Variants in WDR86 observed in about 807,000 individuals in gnomAD.
WDR86 encodes WD repeat domain 86, also known as WD repeat-containing protein 86.
WDR86 carries 30 observed loss-of-function variants against 36.5 expected under a neutral mutation model. The ratio of observed to expected loss-of-function variants is 0.82; its 90% CI spans 0.61 to 1.11. The LOEUF is 1.11. WDR86 is among the 50% of genes most tolerant of loss of function. The probability of loss-of-function intolerance (pLI) is 0.00; values close to 1 mark genes in which losing one functional copy is unlikely to be tolerated. For synonymous variants in WDR86, 255 were observed against 252.9 expected (o/e 1.01, Z -0.08); for missense variants, 545 against 561.2 (o/e 0.97, Z 0.29).
intron 2 of WDR86, among the ~76,000 whole-genome samples, chr7:151,398,947 T>C (rs924004080): frequency 6.6e-6 from 1 of 151,930 alleles, no homozygotes; most frequent in African/African-American, 2.4e-5. Context: ...CATGGCAAAC[T>C]TCTTTCTCAG....
In WDR86 at chr7:151,405,976, C is replaced by T. The variant is rs995564841; in HGVS notation, c.163+3451G>A. On this transcript the variant is annotated intron_variant, in intron 1 of 5. Coordinates refer to ENST00000334493, the MANE Select transcript of WDR86 (RefSeq NM_198285.3). The surrounding 1 kb of genome is among the most constrained non-coding windows in gnomAD (Gnocchi z 4.7). ...TACTACCATTTTGGAAAATGTCACT[C>T]ATCTCATTGAACCAATAAAGTGCCC... is the stretch of plus-strand genomic sequence containing the variant. 5.3e-5 allele frequency among the ~76,000 whole-genome samples: 8 copies of T among 152,206 alleles called. No individual in the cohort carries two copies. The highest frequency in any genetic ancestry group is 1.0e-4 in the Non-Finnish European group (7 of 68,038).
chr7:151,377,270 CATT>C, downstream of WDR86: 1 of 1,308,954 alleles, frequency 7.6e-7, no homozygotes, highest in African/African-American at 1.5e-5. Context: ...TAAATGCTAT[CATT>C]ATGAAAAGGC....
chr7:151,382,676 T>A (rs62490282), intron 4 of WDR86, among the ~76,000 whole-genome samples: 12,887 of 152,224 alleles, frequency 0.085, 564 homozygotes, highest in Middle Eastern at 0.13. Flanking sequence ...GAGGCCACAC[T>A]GAGGATGTGG....
intron 2 of WDR86, among the ~76,000 whole-genome samples, chr7:151,396,782 A>G (rs994025436): frequency 6.6e-6 from 1 of 152,178 alleles, no homozygotes; most frequent in African/African-American, 2.4e-5. Flanking sequence ...AGGCACAGCC[A>G]GGGGTCACGC....
chr7:151,374,330 G>A (rs775250298), downstream of WDR86: 96 of 1,471,542 alleles, frequency 6.5e-5, no homozygotes, highest in Middle Eastern at 1.7e-4. Flanking sequence ...GCATCCTCCC[G>A]GGCTCACTCC....
intron 1 of WDR86, among the ~76,000 whole-genome samples, chr7:151,404,331 T>C (rs1800555736): frequency 6.6e-6 from 1 of 152,150 alleles, no homozygotes; most frequent in Non-Finnish European, 1.5e-5. Context: ...GCCCACAGCG[T>C]TCAGGGTTCT....
rs1221404203 is a variant in WDR86, at chr7:151,406,401, C to A, written c.163+3026G>T. On this transcript the variant is annotated intron_variant, in intron 1 of 5. Transcript: ENST00000334493. This position sits in a 1 kb window ranked among gnomAD's most constrained non-coding sequence, Gnocchi z 4.4. ...GAGCCAGAGGTCTCTAGAGGAAAAG[C>A]GTACGTAGGAGTCGCCAGCCCCAGC... Among the ~76,000 whole-genome samples, 1 of 152,230 alleles carries A rather than the reference C, an allele frequency of 6.6e-6. No individual in the cohort carries two copies. The highest frequency in any genetic ancestry group is 1.5e-5 in the Non-Finnish European group (1 of 68,038).
At position 151,405,739 on chromosome 7, in the gene WDR86, C is replaced by T. The variant is rs1340367049; in HGVS notation, c.163+3688G>A. On this transcript the variant is annotated intron_variant, in intron 1 of 5. Transcript: ENST00000334493. The surrounding 1 kb of genome is among the most constrained non-coding windows in gnomAD (Gnocchi z 4.7). The stretch of plus-strand genomic sequence containing the variant: ...AGCGTGCCGCAGGCCTCCTTCAGCC[C>T]AGTCTTCTGGGCCACTGCTCTCCCG... Among the ~76,000 whole-genome samples, 1 of 152,202 alleles carries T rather than the reference C, an allele frequency of 6.6e-6. No homozygotes were observed. Among genetic ancestry groups the T allele is most frequent in the African/African-American group, 2.4e-5 (1 of 41,464 alleles).
At chr7:151,371,257 C>T (rs899341801), downstream of WDR86, among the ~76,000 whole-genome samples, 1 of 152,124 alleles carries the variant, frequency 6.6e-6, no homozygotes, top group Non-Finnish European at 1.5e-5. Context: ...GATTTATTGG[C>T]CGTTTACTTG....
At position 151,381,710 on chromosome 7, in the gene WDR86, C is replaced by G; in HGVS notation, c.1003G>C (p.Gly335Arg). 1 of 1,495,238 alleles carries G rather than the reference C, an allele frequency of 6.7e-7. No homozygotes were observed. The allele number at this position is 1,495,238 out of a possible 1,614,324, so 92.6% of individuals were successfully genotyped here. The part of the protein sequence containing the change: ...GQVLYTASHD[G>R]ALRLWDVRGL... ...CGCACGTCCCAGAGGCGCAGGGCGC[C>G]GTCGTGCGAGGCGGTGTAGAGCACC... Residue 335 changes from glycine to arginine, a missense_variant, in exon 6 of 6, where the codon GGC becomes CGC. Transcript: ENST00000334493. This position sits in a 1 kb window ranked among gnomAD's most constrained non-coding sequence, Gnocchi z 4.8.
intron 3 of WDR86, among the ~76,000 whole-genome samples, chr7:151,391,722 C>T (rs181949916): frequency 4.6e-5 from 7 of 152,314 alleles, no homozygotes; most frequent in Non-Finnish European, 8.8e-5. Flanking sequence ...TGTCACCCAA[C>T]AGACTTCCCA....
Position 151,409,455 on chromosome 7 carries a change from C to T in WDR86, c.135G>A (p.Ala45=), listed in dbSNP as rs757991903. Reference sequence around the variant, plus strand: ...GCAGGAGCGCGCAGCACTGGCCGTCCGCGGTGCTCCAGAGCCGGGCCGTGC... The same window carrying T: ...GCAGGAGCGCGCAGCACTGGCCGTCTGCGGTGCTCCAGAGCCGGGCCGTGC... ...EDGTARLWST[A]DGQCCALLQG... The change falls in exon 1 of 6, where the codon GCG becomes GCA. Residue 45 remains alanine, a synonymous_variant. Transcript: ENST00000334493. This position sits in a 1 kb window ranked among gnomAD's most constrained non-coding sequence, Gnocchi z 5.2. 76 of 1,543,068 alleles carry T rather than the reference C, an allele frequency of 4.9e-5. No individual in the cohort carries two copies. In the Middle Eastern group the frequency reaches 1.2e-3, roughly 24 times the overall value.
rs867813649 is a variant in WDR86 at position 151,395,819 on chromosome 7, A to G, written c.683T>C (p.Leu228Pro). The change falls in exon 3 of 6, where the codon CTG becomes CCG. Residue 228 changes from leucine (L) to proline (P), a missense_variant. By Grantham distance (98) the Leu-to-Pro change is moderately conservative. Coordinates refer to ENST00000334493, the MANE Select transcript of WDR86 (RefSeq NM_198285.3). ...RAWDILSGEQ[L>P]RVFREHRGSV... ...GCCCCGGTGCTCCCGGAACACCCGCAGCTGCTCCCCACTCAGGATGTCCCA... is the reference window on the plus strand; with the variant it reads ...GCCCCGGTGCTCCCGGAACACCCGCGGCTGCTCCCCACTCAGGATGTCCCA... 1 of 1,575,610 alleles carries G rather than the reference A, an allele frequency of 6.3e-7. No homozygotes were observed. Among genetic ancestry groups the G allele is most frequent in the Non-Finnish European group, 8.6e-7 (1 of 1,162,702 alleles).
chr7:151,397,713 C>T lies in WDR86; in HGVS notation c.306-1517G>A, dbSNP rs1245073793. Reference sequence around the variant, plus strand: ...GAAGAGGGTGTAGTGGGAGGAAGGGCATAGCGGGAGGAAGAGGGTGTAGCG... The same window carrying T: ...GAAGAGGGTGTAGTGGGAGGAAGGGTATAGCGGGAGGAAGAGGGTGTAGCG... On this transcript the variant is annotated intron_variant, in intron 2 of 5. Transcript: ENST00000334493. Among the ~76,000 whole-genome samples the T allele has an allele frequency of 1.3e-3, 128 of 98,378 alleles. 1 individual carries two copies. The highest frequency in any genetic ancestry group is 5.1e-3 in the East Asian group (11 of 2,144). 64.5% of individuals were successfully genotyped at this position (98,378 alleles called of 152,430 possible). A position where few individuals can be genotyped will look rare whatever the true frequency, so the allele number is the denominator to read the frequency against.
rs1001047314 is a variant in WDR86, at chr7:151,381,596, G to A, written c.1117C>T (p.Leu373=). The change falls in exon 6 of 6, where the codon CTG becomes TTG. Residue 373 remains leucine, a synonymous_variant. Transcript: ENST00000334493. This position sits in a 1 kb window ranked among gnomAD's most constrained non-coding sequence, Gnocchi z 4.8. ...SNKVGCAAAP[L]QPA ...GCCCCGCGGGATCAGGCCGGCTGCAGGGGCGCGGCGGCGCAGCCCACCTTG... is the reference window on the plus strand; with the variant it reads ...GCCCCGCGGGATCAGGCCGGCTGCAAGGGCGCGGCGGCGCAGCCCACCTTG... 37 of 1,370,612 alleles carry A rather than the reference G, an allele frequency of 2.7e-5. 1 individual carries two copies. In the Admixed American group the frequency reaches 1.2e-3, roughly 46 times the overall value. 84.9% of individuals were successfully genotyped at this position (1,370,612 alleles called of 1,614,324 possible).
rs1446194911 is a variant in WDR86 at position 151,406,634 on chromosome 7, C to T, written c.163+2793G>A. Among the ~76,000 whole-genome samples, 2 of 152,208 alleles carry T rather than the reference C, an allele frequency of 1.3e-5. No individual in the cohort carries two copies. Among genetic ancestry groups the T allele is most frequent in the African/African-American group, 2.4e-5 (1 of 41,440 alleles). On this transcript the variant is annotated intron_variant, in intron 1 of 5. Coordinates refer to ENST00000334493, the MANE Select transcript of WDR86 (RefSeq NM_198285.3). The surrounding 1 kb of genome is among the most constrained non-coding windows in gnomAD (Gnocchi z 4.4). ...GAAGCACCGTACAGTCTTCAGAAACCCTCTCTGCCATGGACCAGCTGCGGG... is the reference window on the plus strand; with the variant it reads ...GAAGCACCGTACAGTCTTCAGAAACTCTCTCTGCCATGGACCAGCTGCGGG...
chr7:151,381,566 C>T lies in WDR86; in HGVS notation c.*16G>A. ...CGCTGGGTGTCTGGGCTGGCGTCTGCAGGGGCCCCGCGGGATCAGGCCGGC... is the reference window on the plus strand; with the variant it reads ...CGCTGGGTGTCTGGGCTGGCGTCTGTAGGGGCCCCGCGGGATCAGGCCGGC... On this transcript the variant is annotated 3_prime_UTR_variant, in exon 6 of 6. Coordinates refer to ENST00000334493, the MANE Select transcript of WDR86 (RefSeq NM_198285.3). The surrounding 1 kb of genome is among the most constrained non-coding windows in gnomAD (Gnocchi z 4.8). The T allele has an allele frequency of 7.3e-7, 1 of 1,377,402 alleles. No individual in the cohort carries two copies. Among genetic ancestry groups the T allele is most frequent in the Non-Finnish European group, 9.3e-7 (1 of 1,076,414 alleles). 85.3% of individuals were successfully genotyped at this position (1,377,402 alleles called of 1,614,324 possible). A position where few individuals can be genotyped will look rare whatever the true frequency, so the allele number is the denominator to read the frequency against.
At position 151,409,277 on chromosome 7, in the gene WDR86, T is replaced by G; in HGVS notation, c.163+150A>C. On this transcript the variant is annotated intron_variant, in intron 1 of 5. Coordinates refer to ENST00000334493, the MANE Select transcript of WDR86 (RefSeq NM_198285.3). This position sits in a 1 kb window ranked among gnomAD's most constrained non-coding sequence, Gnocchi z 5.2. ...TGCCGTGCGCTCAACAGCCAGATGCTGGGCCCAGACAAGCGCTCTTCCGCT... is the reference window on the plus strand; with the variant it reads ...TGCCGTGCGCTCAACAGCCAGATGCGGGGCCCAGACAAGCGCTCTTCCGCT... The G allele has an allele frequency of 7.7e-7, 1 of 1,304,296 alleles. No homozygotes were observed. The highest frequency in any genetic ancestry group is 1.4e-5 in the South Asian group (1 of 71,218). The allele number at this position is 1,304,296 out of a possible 1,614,324, so 80.8% of individuals were successfully genotyped here. A position where few individuals can be genotyped will look rare whatever the true frequency, so the allele number is the denominator to read the frequency against.
Position 151,406,858 on chromosome 7 carries a change from G to A in WDR86, c.163+2569C>T, listed in dbSNP as rs985634433. Among the ~76,000 whole-genome samples the A allele has an allele frequency of 2.6e-5, 4 of 152,006 alleles. No individual in the cohort carries two copies. In the South Asian group the frequency reaches 6.2e-4, roughly 24 times the overall value. ...TGAGGATTCATTACACAATAAAAAAGCACAAAGATGTGTTATTTATAAAAT... is the reference window on the plus strand; with the variant it reads ...TGAGGATTCATTACACAATAAAAAAACACAAAGATGTGTTATTTATAAAAT... On this transcript the variant is annotated intron_variant, in intron 1 of 5. Transcript: ENST00000334493. The surrounding 1 kb of genome is among the most constrained non-coding windows in gnomAD (Gnocchi z 4.4).
Sources: allele counts gnomAD v4.1 joint callset (sites outside exome capture counted in the v4.1 genomes callset), GRCh38; gene constraint gnomAD v4.1.1; non-coding constraint Gnocchi (gnomAD v3.1); transcripts MANE v1.5; gene names NCBI Gene and HGNC (gene_info 2026-07-23, HGNC 2026-07-21).